Variants in KIF6 observed in about 807,000 individuals in gnomAD.
KIF6 encodes the protein kinesin family member 6.
KIF6 carries 106 observed loss-of-function variants against 112.7 expected under a neutral mutation model. The observed-to-expected ratio is 0.94, with a 90% CI of 0.80 to 1.11. KIF6 has a LOEUF of 1.11. Among genes scored for constraint, KIF6 ranks in the 50% least tolerant of loss-of-function variants. The pLI is 0.00. For missense variants in KIF6, 929 were observed against 964.0 expected, an observed-to-expected ratio of 0.96 and a Z score of 0.48; for synonymous variants, 339 against 339.9, an observed-to-expected ratio of 1.00 and a Z score of 0.03.
chr6:39,491,270 T>A (rs983925329), intron 13 of KIF6, among the ~76,000 whole-genome samples: 5 of 152,050 alleles, frequency 3.3e-5, no homozygotes, highest in Non-Finnish European at 5.9e-5. Flanking sequence ...TGCCATGTTG[T>A]GAGAACGCTC....
rs762340388 is a variant in KIF6 at position 39,334,602 on chromosome 6, C to G, written c.*1930G>C. On this transcript the variant is annotated 3_prime_UTR_variant, in exon 23 of 23. Coordinates refer to ENST00000287152, the MANE Select transcript of KIF6 (RefSeq NM_145027.6). ...CACCCCAGCCTGGCTGACAGAGACC[C>G]CCCCCATCTCAAAAAATAAATAAAA... 1.3e-5 allele frequency: 2 copies of G among 151,940 alleles called. No homozygotes were observed. Among genetic ancestry groups the G allele is most frequent in the African/African-American group, 2.4e-5 (1 of 41,332 alleles). The allele number at this position is 151,940 out of a possible 1,614,324, so 9.4% of individuals were successfully genotyped here.
chr6:39,723,743 G>A (rs940104861), intron 1 of KIF6, among the ~76,000 whole-genome samples: 22 of 152,124 alleles, frequency 1.4e-4, no homozygotes, highest in Admixed American at 1.3e-3. Context: ...GGGGCCTGTC[G>A]TGGGGTGGGA....
At position 39,545,621 on chromosome 6, in the gene KIF6, C is replaced by A. The variant is rs1779031396; in HGVS notation, c.1249G>T (p.Asp417Tyr). 6.2e-7 allele frequency: 1 copy of A among 1,613,584 alleles called. No individual in the cohort carries two copies. Among genetic ancestry groups the A allele is most frequent in the African/African-American group, 1.3e-5 (1 of 74,908 alleles). Residue 417 changes from aspartate (D) to tyrosine (Y), a missense_variant, in exon 11 of 23, where the codon GAT becomes TAT. Physicochemically the swap from Asp to Tyr is radical, Grantham distance 160. Coordinates refer to ENST00000287152, the MANE Select transcript of KIF6 (RefSeq NM_145027.6). ...AAACAGTGATGAACTTTACGCATATCCGCGCCAACCTCTAATCTACTGTCT... is the reference window on the plus strand; with the variant it reads ...AAACAGTGATGAACTTTACGCATATACGCGCCAACCTCTAATCTACTGTCT... ...DSDSRLEVGA[D>Y]MRKVHHCFHH... is the part of the protein sequence containing the mutation.
intron 10 of KIF6, among the ~76,000 whole-genome samples, chr6:39,552,602 C>T (rs970184469): frequency 6.6e-6 from 1 of 152,188 alleles, no homozygotes; most frequent in Non-Finnish European, 1.5e-5. Context: ...GTGCTTTCCA[C>T]ATGCCATAAT....
chr6:39,692,208 G>GA (rs1788254360), intron 3 of KIF6, among the ~76,000 whole-genome samples: 1 of 152,134 alleles, frequency 6.6e-6, no homozygotes, highest in South Asian at 2.1e-4. Flanking sequence ...ACTGTGTACA[G>GA]AAAAAACGTA....
At chr6:39,560,626 G>A (rs1046184298) in intron 10 of KIF6, among the ~76,000 whole-genome samples, 5 of 152,014 alleles carry the variant, frequency 3.3e-5, no homozygotes, top group Admixed American at 6.6e-5. Context: ...CAATTACCCC[G>A]GCACTTCTCT....
Position 39,586,859 on chromosome 6 carries a change from C to T in KIF6, c.847-455G>A, listed in dbSNP as rs137919377. Among the ~76,000 whole-genome samples, 3 of 152,272 alleles carry T rather than the reference C, an allele frequency of 2.0e-5. No individual in the cohort carries two copies. The East Asian group carries it at 5.8e-4, about 29-fold the overall frequency. On this transcript the variant is annotated intron_variant, in intron 7 of 22. Transcript: ENST00000287152. ...CATGCAAGATTGTCTAGGTGCAAGT[C>T]CTGGCTTTCCTAGGGCACATCACTC...
At chr6:39,346,135 CT>C (rs1562113453) in intron 20 of KIF6, among the ~76,000 whole-genome samples, 5 of 107,474 alleles carry the variant, frequency 4.7e-5, no homozygotes, top group African/African-American at 1.4e-4. Context: ...CCCTCTCCCT[CT>C]CTCTCTCTCT....
intron 3 of KIF6, among the ~76,000 whole-genome samples, chr6:39,671,453 G>T (rs1339303540): frequency 6.6e-6 from 1 of 152,180 alleles, no homozygotes; most frequent in African/African-American, 2.4e-5. Flanking sequence ...TGGTGTGAGG[G>T]TCTAGCCCGC....
chr6:39,545,355 T>C (rs1225081136), intron 11 of KIF6, among the ~76,000 whole-genome samples: 1 of 152,166 alleles, frequency 6.6e-6, no homozygotes, highest in Non-Finnish European at 1.5e-5. Context: ...AGGTAGAGAT[T>C]CCTGACAAAA....
Position 39,568,227 on chromosome 6 carries a change from C to T in KIF6, c.1181+9829G>A, listed in dbSNP as rs183309287. 2.5e-3 allele frequency among the ~76,000 whole-genome samples: 383 copies of T among 152,222 alleles called. 2 individuals carry two copies. The highest frequency in any genetic ancestry group is 2.6e-3 in the Admixed American group (40 of 15,290). On this transcript the variant is annotated intron_variant, in intron 10 of 22. Transcript: ENST00000287152. ...CTATAAACGAAAATAACTCTGTATACAGGGGGTAACGAGTGACGGGGGAAG... is the reference window on the plus strand; with the variant it reads ...CTATAAACGAAAATAACTCTGTATATAGGGGGTAACGAGTGACGGGGGAAG...
At position 39,378,505 on chromosome 6, in the gene KIF6, C is replaced by T. The variant is rs1376076146; in HGVS notation, c.1861+7117G>A. ...CACACACGTACATACACAACAGACA[C>T]ACGCATACACACACCCCAACTAACC... On this transcript the variant is annotated intron_variant, in intron 16 of 22. Coordinates refer to ENST00000287152, the MANE Select transcript of KIF6 (RefSeq NM_145027.6). This position sits in a 1 kb window ranked among gnomAD's most constrained non-coding sequence, Gnocchi z 5.0. Among the ~76,000 whole-genome samples, 1 of 152,060 alleles carries T rather than the reference C, an allele frequency of 6.6e-6. No homozygotes were observed. The highest frequency in any genetic ancestry group is 2.4e-5 in the African/African-American group (1 of 41,416).
At chr6:39,621,764 T>C (rs187351802) in intron 5 of KIF6, among the ~76,000 whole-genome samples, 6 of 152,348 alleles carry the variant, frequency 3.9e-5, no homozygotes, top group Admixed American at 1.3e-4. Flanking sequence ...TGAGAGGGAC[T>C]GTTTCACTAT....
chr6:39,361,172 C>T (rs1046930634), intron 17 of KIF6, among the ~76,000 whole-genome samples: 2 of 152,146 alleles, frequency 1.3e-5, no homozygotes, highest in Non-Finnish European at 2.9e-5. Context: ...GTCCAATAGC[C>T]AGGCCGAAGA....
At chr6:39,679,140 T>C (rs1181946677) in intron 3 of KIF6, among the ~76,000 whole-genome samples, 3 of 152,186 alleles carry the variant, frequency 2.0e-5, no homozygotes, top group East Asian at 3.9e-4. Flanking sequence ...ACAATTAGAG[T>C]TCTGTTATTA....
intron 14 of KIF6, among the ~76,000 whole-genome samples, chr6:39,423,839 C>T (rs566699735): frequency 6.6e-6 from 1 of 152,274 alleles, no homozygotes; most frequent in South Asian, 2.1e-4. Context: ...CTCCAACTGC[C>T]TGAGAGCAGA....
At chr6:39,498,669 G>A (rs1775931596) in intron 13 of KIF6, among the ~76,000 whole-genome samples, 1 of 152,086 alleles carries the variant, frequency 6.6e-6, no homozygotes. Context: ...AAAAATGGGG[G>A]CTGGCCCACA....
intron 6 of KIF6, among the ~76,000 whole-genome samples, chr6:39,603,178 T>C (rs1296819707): frequency 6.6e-6 from 1 of 152,138 alleles, no homozygotes; most frequent in African/African-American, 2.4e-5. Flanking sequence ...GTAAACAGAA[T>C]GGTGCAGATT....
chr6:39,425,669 G>T (rs1318548227), intron 14 of KIF6, among the ~76,000 whole-genome samples: 2 of 48,460 alleles, frequency 4.1e-5, no homozygotes, highest in Admixed American at 5.8e-4. Context: ...TGTTTTTTGA[G>T]TACCTTTTTT....
Sources: gnomAD v4.1 joint callset for allele counts (sites outside exome capture counted in the v4.1 genomes callset) on GRCh38, gnomAD v4.1.1 for gene constraint, Gnocchi (gnomAD v3.1) non-coding constraint, MANE v1.5 for transcripts, NCBI Gene and HGNC (gene_info 2026-07-23, HGNC 2026-07-21) for gene names.